Variants in KCNAB1 observed in about 807,000 individuals in gnomAD.
KCNAB1 encodes the protein voltage-gated potassium channel subunit beta-1.
A neutral mutation model predicts 64.6 loss-of-function variants in KCNAB1; 35 were observed. The observed-to-expected ratio is 0.54, with a 90% CI of 0.41 to 0.72. KCNAB1 has a LOEUF of 0.72. KCNAB1 is among the 30% of genes least tolerant of loss of function. The pLI is 0.00. For missense variants in KCNAB1, 401 were observed against 512.9 expected, an observed-to-expected ratio of 0.78 and a Z score of 2.11; for synonymous variants, 177 against 183.8, an observed-to-expected ratio of 0.96 and a Z score of 0.30.
At chr3:156,176,935 G>A in intron 1 of KCNAB1, 2 of 834,190 alleles carry the variant, frequency 2.4e-6, no homozygotes, top group East Asian at 4.9e-5. Flanking sequence ...TGATGCTTTG[G>A]GTTTTTGAGG....
intron 1 of KCNAB1, among the ~76,000 whole-genome samples, chr3:156,166,767 T>G (rs2108318394): frequency 6.6e-6 from 1 of 152,252 alleles, no homozygotes; most frequent in South Asian, 2.1e-4. Flanking sequence ...ATGTATGGAG[T>G]GAATAAATTG....
intron 1 of KCNAB1, among the ~76,000 whole-genome samples, chr3:156,139,596 T>TG (rs1408170609): frequency 6.8e-6 from 1 of 146,180 alleles, no homozygotes; most frequent in South Asian, 2.2e-4. Context: ...TTTTTTTTTT[T>TG]TTTTTTTTTT....
At chr3:156,527,224 A>T (rs1380013207) in intron 12 of KCNAB1, among the ~76,000 whole-genome samples, 1 of 152,242 alleles carries the variant, frequency 6.6e-6, no homozygotes, top group Admixed American at 6.5e-5. Flanking sequence ...CATATTAGCT[A>T]TTTGACCACA....
chr3:156,467,772 G>T (rs77013089), intron 7 of KCNAB1, among the ~76,000 whole-genome samples: 2 of 152,194 alleles, frequency 1.3e-5, no homozygotes, highest in Non-Finnish European at 2.9e-5. Flanking sequence ...TTAGGTAAAT[G>T]GGGTAGATTC....
chr3:156,400,667 A>G (rs959398392), intron 1 of KCNAB1, among the ~76,000 whole-genome samples: 19 of 152,120 alleles, frequency 1.2e-4, no homozygotes, highest in Admixed American at 1.2e-3. Flanking sequence ...CATCTGTACA[A>G]TGGTCCCTGC....
At chr3:156,307,432 C>G (rs1721576486) in intron 1 of KCNAB1, among the ~76,000 whole-genome samples, 1 of 151,600 alleles carries the variant, frequency 6.6e-6, no homozygotes, top group Admixed American at 6.6e-5. Flanking sequence ...TTAAAAAGTT[C>G]CTCTTGCCAG....
intron 1 of KCNAB1, among the ~76,000 whole-genome samples, chr3:156,169,866 A>G (rs1711845952): frequency 6.6e-6 from 1 of 152,240 alleles, no homozygotes; most frequent in Admixed American, 6.5e-5. Flanking sequence ...TCATTTTTAA[A>G]TAAATTACCC....
chr3:156,180,479 A>T (rs1351804232), intron 1 of KCNAB1, among the ~76,000 whole-genome samples: 1 of 152,222 alleles, frequency 6.6e-6, no homozygotes, highest in Non-Finnish European at 1.5e-5. Context: ...TTGGATATTC[A>T]GTATCAGGAA....
At chr3:156,165,087 G>T (rs1716294192) in intron 1 of KCNAB1, among the ~76,000 whole-genome samples, 1 of 151,700 alleles carries the variant, frequency 6.6e-6, no homozygotes, top group South Asian at 2.1e-4. Flanking sequence ...GACCATCCCG[G>T]CTAAAACGGT....
At chr3:156,525,417 A>C (rs1718245584) in intron 12 of KCNAB1, among the ~76,000 whole-genome samples, 1 of 152,246 alleles carries the variant, frequency 6.6e-6, no homozygotes, top group African/African-American at 2.4e-5. Flanking sequence ...AAATAGAAAA[A>C]AAGCTTATAA....
chr3:156,415,870 C>T (rs1386142950), intron 1 of KCNAB1, among the ~76,000 whole-genome samples: 1 of 152,114 alleles, frequency 6.6e-6, no homozygotes, highest in Admixed American at 6.6e-5. Flanking sequence ...GAGTTACAGG[C>T]AATTAACCTT....
intron 1 of KCNAB1, among the ~76,000 whole-genome samples, chr3:156,179,112 T>C (rs1375492220): frequency 6.6e-6 from 1 of 152,000 alleles, no homozygotes; most frequent in Non-Finnish European, 1.5e-5. Flanking sequence ...TATAATATTA[T>C]ATAAGGTTTA....
At chr3:156,350,233 A>T (rs1724769934) in intron 1 of KCNAB1, among the ~76,000 whole-genome samples, 1 of 152,192 alleles carries the variant, frequency 6.6e-6, no homozygotes, top group Non-Finnish European at 1.5e-5. Flanking sequence ...TAAATGAGAT[A>T]AAAAGCTGAG....
intron 13 of KCNAB1, among the ~76,000 whole-genome samples, chr3:156,535,001 C>T (rs910623911): frequency 5.3e-5 from 8 of 151,544 alleles, no homozygotes; most frequent in African/African-American, 1.7e-4. Flanking sequence ...GTGGCTAACC[C>T]GCTGTATTTT....
At chr3:156,343,526 C>T (rs1724277119) in intron 1 of KCNAB1, among the ~76,000 whole-genome samples, 1 of 152,190 alleles carries the variant, frequency 6.6e-6, no homozygotes, top group South Asian at 2.1e-4. Flanking sequence ...GCAAATTGGC[C>T]TTCCGAGTCA....
intron 7 of KCNAB1, among the ~76,000 whole-genome samples, chr3:156,466,593 T>C (rs1713394553): frequency 6.6e-6 from 1 of 151,998 alleles, no homozygotes; most frequent in South Asian, 2.1e-4. Flanking sequence ...AGTAGTGACC[T>C]CTAAGGCTTT....
At chr3:156,146,502 C>T (rs1715045993) in intron 1 of KCNAB1, among the ~76,000 whole-genome samples, 1 of 152,094 alleles carries the variant, frequency 6.6e-6, no homozygotes, top group South Asian at 2.1e-4. Context: ...TAGCAAATAC[C>T]TAGCTTTGAA....
chr3:156,529,970 C>T (rs544931182), intron 12 of KCNAB1, among the ~76,000 whole-genome samples: 6 of 152,314 alleles, frequency 3.9e-5, no homozygotes, highest in Admixed American at 3.9e-4. Context: ...TAATCACCAG[C>T]AGGCTCCTGG....
chr3:156,147,592 G>A (rs1577638703), intron 1 of KCNAB1, among the ~76,000 whole-genome samples: 1 of 152,022 alleles, frequency 6.6e-6, no homozygotes, highest in East Asian at 1.9e-4. Flanking sequence ...ATGGAATGAA[G>A]CAATTGTTTC....
Sources: allele counts gnomAD v4.1 joint callset (sites outside exome capture counted in the v4.1 genomes callset), GRCh38; gene constraint gnomAD v4.1.1; transcripts MANE v1.5; gene names NCBI Gene and HGNC (gene_info 2026-07-23, HGNC 2026-07-21).